SNORC: variants seen among roughly 807,000 people sequenced by gnomAD.
The protein encoded by SNORC is secondary ossification center associated regulator of chondrocyte maturation.
In SNORC, 11 loss-of-function variants were observed where a neutral mutation model predicts 9.7. The observed-to-expected ratio is 1.14, with a 90% CI of 0.72 to 1.88. The LOEUF is 1.88. SNORC is among the 40% of genes most tolerant of loss of function. The pLI is 0.00. For missense variants in SNORC, 197 were observed against 173.1 expected, an observed-to-expected ratio of 1.14 and a Z score of -0.77; for synonymous variants, 108 against 88.7, an observed-to-expected ratio of 1.22 and a Z score of -1.22.
intron 1 of SNORC, among the ~76,000 whole-genome samples, chr2:232,872,821 C>T (rs1486968931): frequency 6.6e-6 from 1 of 152,030 alleles, no homozygotes; most frequent in Middle Eastern, 3.2e-3. Flanking sequence ...GCTTTGCTTT[C>T]CCTTCTTACT....
upstream of SNORC, among the ~76,000 whole-genome samples, chr2:232,868,611 T>C (rs141830493): frequency 8.0e-3 from 1,221 of 152,374 alleles, 9 homozygotes; most frequent in Non-Finnish European, 0.013. Flanking sequence ...GTGTGTACTA[T>C]GGGACCTACT....
intron 1 of SNORC, among the ~76,000 whole-genome samples, chr2:232,873,579 C>G (rs73108328): frequency 0.077 from 11,653 of 152,236 alleles, 581 homozygotes; most frequent in East Asian, 0.17. Flanking sequence ...CCTCCAGATG[C>G]AGGGAGGTGC....
chr2:232,872,533 G>A (rs13391541), intron 1 of SNORC, among the ~76,000 whole-genome samples: 3,533 of 152,308 alleles, frequency 0.023, 138 homozygotes, highest in African/African-American at 0.078. Flanking sequence ...GTCAGAGCGC[G>A]TAGCCACACC....
exon 1 of SNORC, chr2:232,870,364 G>T (rs369644446): frequency 1.3e-6 from 2 of 1,566,802 alleles, no homozygotes; most frequent in Admixed American, 1.9e-5. Context: ...CTGGCCCTGC[G>T]CATGGCGCTG....
At chr2:232,867,354 C>G (rs771482126), upstream of SNORC, among the ~76,000 whole-genome samples, 1 of 152,124 alleles carries the variant, frequency 6.6e-6, no homozygotes, top group Non-Finnish European at 1.5e-5. Flanking sequence ...AACTAGAGTT[C>G]TATATGTGTT....
At chr2:232,866,974 G>A (rs1018672412), upstream of SNORC, among the ~76,000 whole-genome samples, 3 of 152,190 alleles carry the variant, frequency 2.0e-5, no homozygotes, top group African/African-American at 7.2e-5. Flanking sequence ...CTCACATTCA[G>A]TAGAGATGGG....
At chr2:232,875,491 G>A in intron 1 of SNORC, 1 of 430,822 alleles carries the variant, frequency 2.3e-6, no homozygotes, top group South Asian at 1.7e-5. Flanking sequence ...CTGTCTGGTT[G>A]CCGGGGATGG....
chr2:232,876,622 C>T (rs190871486), downstream of SNORC: 59 of 1,059,578 alleles, frequency 5.6e-5, no homozygotes, highest in East Asian at 4.0e-3. This position sits in a 1 kb window ranked among gnomAD's most constrained non-coding sequence, Gnocchi z 6.8. Flanking sequence ...GTGGCGTGCA[C>T]CTGAGCGCGC....
upstream of SNORC, chr2:232,870,264 C>G (rs1315611811): frequency 2.2e-6 from 3 of 1,356,794 alleles, no homozygotes; most frequent in Admixed American, 3.9e-5. Flanking sequence ...CCTTTGATGC[C>G]TCTTTCTCAC....
At chr2:232,875,827 A>G in intron 1 of SNORC, 113 bp from the exon 2 acceptor site, 1 of 1,108,550 alleles carries the variant, frequency 9.0e-7, no homozygotes, top group Non-Finnish European at 1.2e-6. Flanking sequence ...TGCAGCGCTG[A>G]GCCCAGACCC....
At chr2:232,867,104 C>T (rs1055130534), upstream of SNORC, among the ~76,000 whole-genome samples, 1 of 152,156 alleles carries the variant, frequency 6.6e-6, no homozygotes, top group Admixed American at 6.5e-5. Context: ...AGCCTGAACA[C>T]CCTTTGGAAA....
At chr2:232,874,413 G>A (rs1411552516) in intron 1 of SNORC, among the ~76,000 whole-genome samples, 4 of 152,226 alleles carry the variant, frequency 2.6e-5, no homozygotes, top group African/African-American at 7.2e-5. Context: ...ACGGACCTGA[G>A]TCTCCGATCA....
Position 232,876,346 on chromosome 2 carries a change from C to T in SNORC, c.356C>T (p.Ser119Phe). The T allele has an allele frequency of 6.5e-7, 1 of 1,542,742 alleles. No individual in the cohort carries two copies. Among genetic ancestry groups the T allele is most frequent in the Non-Finnish European group, 8.7e-7 (1 of 1,148,054 alleles). Residue 119 changes from serine to phenylalanine, a missense_variant, in exon 3 of 3, where the codon TCT (serine) becomes TTT (phenylalanine). Transcript: ENST00000331342. This position sits in a 1 kb window ranked among gnomAD's most constrained non-coding sequence, Gnocchi z 6.8. ...GTGGTCGTCGCGCTGAGAAAGTTTT[C>T]TGCCTCCTGAAGCGAATAAAGGGGC...
At chr2:232,866,708 A>C (rs1339308418), upstream of SNORC, among the ~76,000 whole-genome samples, 1 of 151,758 alleles carries the variant, frequency 6.6e-6, no homozygotes, top group Non-Finnish European at 1.5e-5. Flanking sequence ...CTTTGAAAAA[A>C]AAAGTGAGTT....
Position 232,876,137 on chromosome 2 carries a change from G to C in SNORC, c.256+15G>C. ...CCAGGGCGGCGGTACGGGCGGGGCG[G>C]GGGAGGGAGGGGAGAGGGAGAAATT... is the stretch of plus-strand genomic sequence containing the variant. On this transcript the variant is annotated intron_variant, in intron 2 of 2. Coordinates refer to ENST00000331342, the Ensembl canonical transcript of SNORC. The surrounding 1 kb of genome is among the most constrained non-coding windows in gnomAD (Gnocchi z 6.8). 6.7e-7 allele frequency: 1 copy of C among 1,485,764 alleles called. No individual in the cohort carries two copies. The highest frequency in any genetic ancestry group is 8.9e-7 in the Non-Finnish European group (1 of 1,125,550). The allele number at this position is 1,485,764 out of a possible 1,614,324, so 92.0% of individuals were successfully genotyped here.
At chr2:232,877,889 C>T (rs1214211476), downstream of SNORC, 4 of 152,336 alleles carry the variant, frequency 2.6e-5, no homozygotes, top group Admixed American at 2.6e-4. Context: ...TCCAACCCAA[C>T]ATGCTGTTTC....
At chr2:232,868,489 C>T (rs1690918821), upstream of SNORC, among the ~76,000 whole-genome samples, 1 of 152,204 alleles carries the variant, frequency 6.6e-6, no homozygotes, top group Admixed American at 6.5e-5. Context: ...CACATTATTT[C>T]CTCTGAAATC....
rs781221390 is a variant in SNORC at position 232,870,303 on chromosome 2, C to T, written c.-39C>T. 7.5e-5 allele frequency: 116 copies of T among 1,539,562 alleles called. No individual in the cohort carries two copies. In the South Asian group the frequency reaches 1.1e-3, roughly 15 times the overall value. On this transcript the variant is annotated 5_prime_UTR_variant, in exon 1 of 3. Transcript: ENST00000331342. Reference sequence around the variant, plus strand: ...CCTGAAGTTAACCAGCGCAGTCCTCCGTGCGTCCCGCCCGCCGCTGCCCTC... The same window carrying T: ...CCTGAAGTTAACCAGCGCAGTCCTCTGTGCGTCCCGCCCGCCGCTGCCCTC...
chr2:232,868,339 C>T (rs1054756691), upstream of SNORC, among the ~76,000 whole-genome samples: 3 of 152,008 alleles, frequency 2.0e-5, no homozygotes, highest in Non-Finnish European at 2.9e-5. Flanking sequence ...TCAAGTGATC[C>T]GCCTGCCCCA....
Sources: gnomAD v4.1 joint callset for allele counts (sites outside exome capture counted in the v4.1 genomes callset) on GRCh38, gnomAD v4.1.1 for gene constraint, Gnocchi (gnomAD v3.1) non-coding constraint, MANE v1.5 for transcripts, NCBI Gene and HGNC (gene_info 2026-07-23, HGNC 2026-07-21) for gene names.